TBC1D9: variants seen among roughly 807,000 people sequenced by gnomAD.
TBC1D9 encodes the protein TBC1 domain family member 9.
Under a neutral mutation model 132.0 loss-of-function variants are expected in TBC1D9, and 63 were observed. That is an observed-to-expected ratio of 0.48 (90% CI 0.39 to 0.59). The LOEUF is 0.59. TBC1D9 is among the 20% of genes least tolerant of loss of function. The probability of loss-of-function intolerance (pLI) is 0.00; values close to 1 mark genes in which losing one functional copy is unlikely to be tolerated. For synonymous variants in TBC1D9, 610 were observed against 609.9 expected, an observed-to-expected ratio of 1.00 and a Z score of 0.00; for missense variants, 1,261 against 1,592.7, an observed-to-expected ratio of 0.79 and a Z score of 3.54.
At chr4:140,717,751 T>C (rs1163499129) in intron 1 of TBC1D9, among the ~76,000 whole-genome samples, 1 of 152,202 alleles carries the variant, frequency 6.6e-6, no homozygotes, top group Non-Finnish European at 1.5e-5. Flanking sequence ...GGGACAAGTA[T>C]GTGTTTCATG....
chr4:140,644,791 ACGGTGGCCCG>A, intron 13 of TBC1D9: 1 of 403,994 alleles, frequency 2.5e-6, no homozygotes, highest in East Asian at 6.5e-5. Context: ...AAGGGGCAGC[ACGGTGGCCCG>A]CTCCATCAGC....
chr4:140,755,767 C>T (rs1739001377), intron 1 of TBC1D9, 149 bp downstream of exon 1: 1 of 1,272,416 alleles, frequency 7.9e-7, no homozygotes, highest in East Asian at 3.1e-5. Context: ...CTGAACATCA[C>T]GACTCTCGAT....
chr4:140,749,725 A>G (rs1422001954), intron 1 of TBC1D9, among the ~76,000 whole-genome samples: 1 of 152,184 alleles, frequency 6.6e-6, no homozygotes, highest in East Asian at 1.9e-4. Context: ...TGCTATTTAT[A>G]AAAGACATAT....
chr4:140,652,489 C>A (rs1055174289), intron 13 of TBC1D9, among the ~76,000 whole-genome samples: 1 of 152,186 alleles, frequency 6.6e-6, no homozygotes, highest in Non-Finnish European at 1.5e-5. Flanking sequence ...TCCCTACTAA[C>A]CAGCTCCACT....
At chr4:140,674,690 TA>T (rs199749997) in intron 6 of TBC1D9, among the ~76,000 whole-genome samples, 43 of 143,200 alleles carry the variant, frequency 3.0e-4, no homozygotes, top group East Asian at 7.8e-4. Context: ...TATATATATA[TA>T]TTTTTTTTTA....
intron 1 of TBC1D9, among the ~76,000 whole-genome samples, chr4:140,737,670 T>G (rs932096200): frequency 1.3e-5 from 2 of 152,204 alleles, no homozygotes; most frequent in Non-Finnish European, 2.9e-5. Context: ...CTGAACATTT[T>G]CAACTGGTTG....
At position 140,720,094 on chromosome 4, in the gene TBC1D9, T is replaced by G. The variant is rs149651264; in HGVS notation, c.131-18480A>C. Among the ~76,000 whole-genome samples, 207 of 152,262 alleles carry G rather than the reference T, an allele frequency of 1.4e-3. 1 individual carries two copies. The highest frequency in any genetic ancestry group is 4.7e-3 in the African/African-American group (195 of 41,558). On this transcript the variant is annotated intron_variant, in intron 1 of 20. Transcript: ENST00000442267. ...ATTTTGCACAGCACCTGGCACTTGG[T>G]AGGTGTTCAATAAATAGTACCGATT... is the stretch of plus-strand genomic sequence containing the variant.
intron 2 of TBC1D9, among the ~76,000 whole-genome samples, chr4:140,692,590 G>T (rs1737893005): frequency 6.6e-6 from 1 of 152,114 alleles, no homozygotes; most frequent in Admixed American, 6.5e-5. Context: ...AACATTTTTA[G>T]AAACAAATGA....
At chr4:140,711,879 A>G (rs1167917354) in intron 1 of TBC1D9, among the ~76,000 whole-genome samples, 1 of 152,240 alleles carries the variant, frequency 6.6e-6, no homozygotes, top group African/African-American at 2.4e-5. Context: ...AAATATGAAT[A>G]TTAACATTAG....
intron 13 of TBC1D9, among the ~76,000 whole-genome samples, chr4:140,654,747 C>T (rs976349401): frequency 2.6e-5 from 4 of 152,060 alleles, no homozygotes; most frequent in Non-Finnish European, 5.9e-5. Flanking sequence ...ATAGTGGAAA[C>T]ATAAATTGAG....
At chr4:140,634,949 G>A (rs1200076636) in intron 15 of TBC1D9, among the ~76,000 whole-genome samples, 1 of 152,122 alleles carries the variant, frequency 6.6e-6, no homozygotes, top group Admixed American at 6.6e-5. Flanking sequence ...TATTCATGAG[G>A]TCATGGTGAC....
intron 1 of TBC1D9, among the ~76,000 whole-genome samples, chr4:140,750,547 GA>G (rs1738908327): frequency 6.6e-6 from 1 of 151,074 alleles, no homozygotes; most frequent in Admixed American, 6.6e-5. Flanking sequence ...ACAACAGAGT[GA>G]AAAAAATATG....
At position 140,657,572 on chromosome 4, in the gene TBC1D9, A is replaced by T; in HGVS notation, c.2162T>A (p.Leu721Gln). ...LAVLDANVDKLLNCKDDGEAM... is the reference protein window; with the variant it reads ...LAVLDANVDKQLNCKDDGEAM... ...CTCCCCATCATCCTTGCAGTTCAAC[A>T]GTTTGTCCACATTTGCATCCAGCAC... Residue 721 changes from leucine to glutamine, a missense_variant, in exon 12 of 21, where the codon CTG becomes CAG. By Grantham distance (113) the Leu-to-Gln change is moderately radical. This residue lies in a region of TBC1D9 where 618 missense variants were observed against 724.4 expected (regional missense o/e 0.85). Coordinates refer to ENST00000442267, the MANE Select transcript of TBC1D9 (RefSeq NM_015130.3). The T allele has an allele frequency of 6.2e-7, 1 of 1,614,014 alleles. No homozygotes were observed. Among genetic ancestry groups the T allele is most frequent in the Non-Finnish European group, 8.5e-7 (1 of 1,179,888 alleles).
chr4:140,655,937 C>CCTACTTAAT (rs1737260411), intron 13 of TBC1D9, among the ~76,000 whole-genome samples: 1 of 152,124 alleles, frequency 6.6e-6, no homozygotes, highest in Non-Finnish European at 1.5e-5. Context: ...CTCAACAGCC[C>CCTACTTAAT]CTACTTAATC....
chr4:140,659,218 CT>C (rs946264664), intron 11 of TBC1D9, among the ~76,000 whole-genome samples: 1 of 152,186 alleles, frequency 6.6e-6, no homozygotes, highest in African/African-American at 2.4e-5. Flanking sequence ...CCCAGATAGC[CT>C]TTTTTTGGCA....
intron 2 of TBC1D9, among the ~76,000 whole-genome samples, chr4:140,700,276 C>T (rs1467226329): frequency 6.6e-6 from 1 of 151,828 alleles, no homozygotes; most frequent in Non-Finnish European, 1.5e-5. Flanking sequence ...ATGGTGAAAC[C>T]TCGTCTCTAC....
rs777873212 is a variant in TBC1D9 at position 140,621,552 on chromosome 4, G to C, written c.*643C>G. On this transcript the variant is annotated 3_prime_UTR_variant, in exon 21 of 21. Transcript: ENST00000442267. ...TATCTGTCTAAATTGGTCAATACAA[G>C]TGTTATTCTGGAATCATGTAAAAAT... 1 of 152,194 alleles carries C rather than the reference G, an allele frequency of 6.6e-6. No individual in the cohort carries two copies. The highest frequency in any genetic ancestry group is 1.5e-5 in the Non-Finnish European group (1 of 68,018). 9.4% of individuals were successfully genotyped at this position (152,194 alleles called of 1,614,324 possible).
In TBC1D9 at chr4:140,720,116, G is replaced by A. The variant is rs1178265536; in HGVS notation, c.131-18502C>T. Among the ~76,000 whole-genome samples the A allele has an allele frequency of 8.5e-5, 13 of 152,146 alleles. No homozygotes were observed. The East Asian group carries it at 1.7e-3, about 20-fold the overall frequency. ...TGGTAGGTGTTCAATAAATAGTACCGATTGCGGTGGCTGAAGGCAGCCCCC... is the reference window on the plus strand; with the variant it reads ...TGGTAGGTGTTCAATAAATAGTACCAATTGCGGTGGCTGAAGGCAGCCCCC... On this transcript the variant is annotated intron_variant, in intron 1 of 20. Coordinates refer to ENST00000442267, the MANE Select transcript of TBC1D9 (RefSeq NM_015130.3).
At chr4:140,688,333 A>C (rs577629821) in intron 2 of TBC1D9, among the ~76,000 whole-genome samples, 30 of 152,292 alleles carry the variant, frequency 2.0e-4, no homozygotes, top group Admixed American at 7.8e-4. Flanking sequence ...ACAAGTGCTT[A>C]ATCTCTGTCT....
Sources: allele counts gnomAD v4.1 joint callset (sites outside exome capture counted in the v4.1 genomes callset), GRCh38; gene constraint gnomAD v4.1.1; regional missense constraint gnomAD v4.1.1; transcripts MANE v1.5; gene names NCBI Gene and HGNC (gene_info 2026-07-23, HGNC 2026-07-21).